The following FHIT variants were observed in gnomAD, a reference collection of about 807,000 sequenced individuals.
FHIT encodes fragile histidine triad diadenosine triphosphatase.
Under a neutral mutation model 17.9 loss-of-function variants are expected in FHIT, and 19 were observed. The ratio of observed to expected loss-of-function variants is 1.06; its 90% CI spans 0.74 to 1.56. The LOEUF (loss-of-function observed/expected upper bound fraction) is 1.56. Ranked by LOEUF, FHIT falls within the 40% of genes most tolerant of loss-of-function variation. The probability of loss-of-function intolerance (pLI) is 0.00; values close to 1 mark genes in which losing one functional copy is unlikely to be tolerated. For missense variants in FHIT, 248 were observed against 189.2 expected, an observed-to-expected ratio of 1.31 and a Z score of -1.82; for synonymous variants, 81 against 69.7, an observed-to-expected ratio of 1.16 and a Z score of -0.81.
intron 4 of FHIT, among the ~76,000 whole-genome samples, chr3:60,545,660 G>A (rs2107614953): frequency 6.6e-6 from 1 of 152,184 alleles, no homozygotes; most frequent in African/African-American, 2.4e-5. Context: ...GGATGTTTTT[G>A]CTATCTTTTT....
At chr3:60,670,065 T>C (rs376186665) in intron 4 of FHIT, among the ~76,000 whole-genome samples, 1 of 152,200 alleles carries the variant, frequency 6.6e-6, no homozygotes, top group East Asian at 1.9e-4. Context: ...TCTATTACTC[T>C]TTTCAGAAAC....
intron 3 of FHIT, among the ~76,000 whole-genome samples, chr3:60,859,723 A>ATTTATTTTTTT (rs1703547454): frequency 3.9e-5 from 2 of 51,886 alleles, no homozygotes; most frequent in Non-Finnish European, 6.8e-5. Flanking sequence ...TCTGAATACG[A>ATTTATTTTTTT]TTTTTTTTTT....
chr3:60,144,721 T>TG (rs1700170006), intron 5 of FHIT, among the ~76,000 whole-genome samples: 2 of 152,178 alleles, frequency 1.3e-5, no homozygotes, highest in South Asian at 4.1e-4. Flanking sequence ...CATCACCTCA[T>TG]GCACTTATTT....
At chr3:59,959,909 G>A (rs778477180) in intron 7 of FHIT, among the ~76,000 whole-genome samples, 1 of 152,148 alleles carries the variant, frequency 6.6e-6, no homozygotes, top group Non-Finnish European at 1.5e-5. Flanking sequence ...TGAAAGAATG[G>A]GGCTAGAGAA....
At chr3:61,085,532 GA>G (rs1469452602) in intron 2 of FHIT, among the ~76,000 whole-genome samples, 12 of 151,996 alleles carry the variant, frequency 7.9e-5, no homozygotes, top group African/African-American at 2.9e-4. Context: ...TGCTTTATCA[GA>G]TATGATTTGC....
intron 4 of FHIT, among the ~76,000 whole-genome samples, chr3:60,818,467 T>C (rs1407880930): frequency 6.6e-6 from 1 of 152,226 alleles, no homozygotes; most frequent in Non-Finnish European, 1.5e-5. Context: ...TCAGTTCTTT[T>C]ATCTTTGTGA....
At chr3:60,334,765 C>T (rs546525600) in intron 5 of FHIT, among the ~76,000 whole-genome samples, 12 of 152,278 alleles carry the variant, frequency 7.9e-5, no homozygotes, top group East Asian at 3.9e-4. Flanking sequence ...CCAGACTGGG[C>T]GACGCCTGGG....
chr3:61,019,623 A>AATTCAT (rs1359415601), intron 3 of FHIT, among the ~76,000 whole-genome samples: 1 of 152,248 alleles, frequency 6.6e-6, no homozygotes, highest in Non-Finnish European at 1.5e-5. Flanking sequence ...TGTGTAATAT[A>AATTCAT]ACGCTATATA....
chr3:61,103,998 G>A (rs986110018), intron 2 of FHIT, among the ~76,000 whole-genome samples: 1 of 151,642 alleles, frequency 6.6e-6, no homozygotes, highest in Non-Finnish European at 1.5e-5. Flanking sequence ...ACAGCACACT[G>A]ATGAGTCTTG....
At chr3:60,637,920 A>G (rs2039629848) in intron 4 of FHIT, among the ~76,000 whole-genome samples, 1 of 152,208 alleles carries the variant, frequency 6.6e-6, no homozygotes, top group African/African-American at 2.4e-5. Context: ...ATGAATTGGC[A>G]AATTTTGTTG....
intron 8 of FHIT, among the ~76,000 whole-genome samples, chr3:59,811,509 T>C (rs1700404879): frequency 6.6e-6 from 1 of 152,214 alleles, no homozygotes; most frequent in Non-Finnish European, 1.5e-5. Flanking sequence ...ACAGTTGGGA[T>C]AAAAATTTCC....
intron 5 of FHIT, among the ~76,000 whole-genome samples, chr3:60,112,997 A>AG (rs1704746659): frequency 6.6e-6 from 1 of 152,204 alleles, no homozygotes; most frequent in Admixed American, 6.5e-5. Flanking sequence ...AGTGTCAACC[A>AG]CAGTGTAGTC....
At chr3:60,296,999 A>G (rs1428462905) in intron 5 of FHIT, among the ~76,000 whole-genome samples, 2 of 151,014 alleles carry the variant, frequency 1.3e-5, no homozygotes, top group African/African-American at 2.4e-5. Context: ...GCATTTATCT[A>G]TGTGTCTATA....
At chr3:60,935,687 T>C (rs1336271487) in intron 3 of FHIT, among the ~76,000 whole-genome samples, 1 of 152,200 alleles carries the variant, frequency 6.6e-6, no homozygotes, top group East Asian at 1.9e-4. Context: ...TGTGACCCTA[T>C]CATTCCAAAC....
At chr3:61,021,555 C>T (rs545728157) in intron 3 of FHIT, among the ~76,000 whole-genome samples, 3 of 144,502 alleles carry the variant, frequency 2.1e-5, no homozygotes, top group East Asian at 4.1e-4. Flanking sequence ...GCCGAGATCC[C>T]GCCACTGCAC....
chr3:61,215,188 C>A (rs909890441), intron 1 of FHIT, among the ~76,000 whole-genome samples: 16 of 151,878 alleles, frequency 1.1e-4, no homozygotes, highest in Admixed American at 5.9e-4. Context: ...AAATAAAGGG[C>A]ATTCAATTAG....
chr3:61,064,451 C>T (rs562626634), intron 2 of FHIT, among the ~76,000 whole-genome samples: 22 of 152,266 alleles, frequency 1.4e-4, no homozygotes, highest in African/African-American at 4.8e-4. Context: ...AACACTGAGA[C>T]TACTTAATTT....
intron 3 of FHIT, among the ~76,000 whole-genome samples, chr3:61,016,003 G>C (rs1279071002): frequency 6.6e-6 from 1 of 152,190 alleles, no homozygotes; most frequent in African/African-American, 2.4e-5. Flanking sequence ...TAACTGCTCT[G>C]AGATTTCTCC....
At chr3:60,361,822 T>TA (rs1482638383) in intron 5 of FHIT, among the ~76,000 whole-genome samples, 5 of 152,212 alleles carry the variant, frequency 3.3e-5, no homozygotes. Context: ...TAAAGGAGGA[T>TA]AAATCTTTTT....
Sources: gnomAD v4.1 joint callset for allele counts (sites outside exome capture counted in the v4.1 genomes callset) on GRCh38, gnomAD v4.1.1 for gene constraint, MANE v1.5 for transcripts, NCBI Gene and HGNC (gene_info 2026-07-23, HGNC 2026-07-21) for gene names.